Variants in GXYLT2 observed in about 807,000 individuals in gnomAD.
The protein encoded by GXYLT2 is glycosyltransferase 8 domain containing 4.
In GXYLT2, 53 loss-of-function variants were observed where a neutral mutation model predicts 45.8. The ratio of observed to expected loss-of-function variants is 1.16; its 90% CI spans 0.93 to 1.46. The LOEUF (loss-of-function observed/expected upper bound fraction) is 1.46, where lower values mean the gene tolerates loss of function less well. GXYLT2 is among the 40% of genes most tolerant of loss of function. GXYLT2 has a pLI of 0.00. For synonymous variants in GXYLT2, 219 were observed against 214.2 expected (o/e 1.02, Z -0.19); for missense variants, 551 against 544.4 (o/e 1.01, Z -0.12).
intron 4 of GXYLT2, among the ~76,000 whole-genome samples, chr3:72,956,662 G>A (rs912280847): frequency 1.4e-4 from 22 of 152,222 alleles, no homozygotes; most frequent in African/African-American, 5.3e-4. Context: ...TGGGAGGGAG[G>A]TGGGTCACTC....
chr3:72,905,402 C>T (rs1437892934), intron 1 of GXYLT2, among the ~76,000 whole-genome samples: 2 of 152,202 alleles, frequency 1.3e-5, no homozygotes, highest in African/African-American at 4.8e-5. Flanking sequence ...CATGAGCCAC[C>T]GCACTGGCCT....
At chr3:72,892,674 A>G (rs1169770393) in intron 1 of GXYLT2, among the ~76,000 whole-genome samples, 1 of 152,204 alleles carries the variant, frequency 6.6e-6, no homozygotes. Context: ...AAGTCTTCTC[A>G]GAGTGTTCAA....
intron 6 of GXYLT2, among the ~76,000 whole-genome samples, chr3:72,969,927 A>AAAAAAAC (rs565563001): frequency 7.5e-5 from 11 of 146,442 alleles, no homozygotes; most frequent in East Asian, 2.1e-4. Context: ...AAAAACAAAA[A>AAAAAAAC]CATTTAAGGC....
At chr3:72,973,845 T>C (rs1361648201) in intron 6 of GXYLT2, among the ~76,000 whole-genome samples, 1 of 152,166 alleles carries the variant, frequency 6.6e-6, no homozygotes, top group Non-Finnish European at 1.5e-5. Flanking sequence ...ATGATTTAAA[T>C]TTCATGATTA....
chr3:72,954,102 A>AT (rs1202431631), intron 3 of GXYLT2, among the ~76,000 whole-genome samples: 2 of 151,936 alleles, frequency 1.3e-5, no homozygotes, highest in Non-Finnish European at 2.9e-5. Context: ...CAAACTATAT[A>AT]TTTTTTTAAT....
At chr3:72,954,650 A>C (rs1710599394) in intron 3 of GXYLT2, among the ~76,000 whole-genome samples, 1 of 149,484 alleles carries the variant, frequency 6.7e-6, no homozygotes, top group Non-Finnish European at 1.5e-5. Context: ...ATAAATAAAT[A>C]AATAAATAAA....
At chr3:72,893,239 C>T (rs1709216777) in intron 1 of GXYLT2, among the ~76,000 whole-genome samples, 1 of 152,144 alleles carries the variant, frequency 6.6e-6, no homozygotes, top group South Asian at 2.1e-4. Context: ...GTTTTCTGGC[C>T]TCCTCTCCTA....
intron 3 of GXYLT2, among the ~76,000 whole-genome samples, chr3:72,927,890 G>C (rs960073776): frequency 1.3e-5 from 2 of 152,140 alleles, no homozygotes; most frequent in Admixed American, 1.3e-4. Context: ...ACAACTCTTG[G>C]TTATATGTGA....
In GXYLT2 at chr3:72,901,673, G is replaced by A. The variant is rs544943014; in HGVS notation, c.276-6694G>A. ...CCTCCTGGGTTCAAGCAATTCTCCT[G>A]CCTCAGCCACACGAGTAGCTGGGAT... is the stretch of plus-strand genomic sequence containing the variant. On this transcript the variant is annotated intron_variant, in intron 1 of 6. Coordinates refer to ENST00000389617, the MANE Select transcript of GXYLT2 (RefSeq NM_001080393.2). 5.3e-3 allele frequency among the ~76,000 whole-genome samples: 747 copies of A among 140,828 alleles called. 8 individuals are homozygous for A. Among genetic ancestry groups the A allele is most frequent in the African/African-American group, 0.018 (686 of 37,936 alleles). 92.4% of individuals were successfully genotyped at this position (140,828 alleles called of 152,430 possible).
At chr3:72,902,484 G>A (rs1709427034) in intron 1 of GXYLT2, among the ~76,000 whole-genome samples, 1 of 152,204 alleles carries the variant, frequency 6.6e-6, no homozygotes, top group Admixed American at 6.5e-5. Flanking sequence ...GAAGGTTACA[G>A]TGTCTTTTCA....
intron 1 of GXYLT2, among the ~76,000 whole-genome samples, chr3:72,898,865 A>G (rs1709345439): frequency 1.3e-5 from 2 of 152,004 alleles, no homozygotes; most frequent in South Asian, 4.2e-4. Flanking sequence ...CTGAGGAGCT[A>G]GGACTACAGG....
At chr3:72,929,705 C>A in intron 3 of GXYLT2, 66 of 582,420 alleles carry the variant, frequency 1.1e-4, no homozygotes, top group South Asian at 3.4e-4. Flanking sequence ...ACCACAACAT[C>A]CAGAAAAAAG....
chr3:72,920,297 G>A (rs1299419012), intron 2 of GXYLT2, among the ~76,000 whole-genome samples: 1 of 151,960 alleles, frequency 6.6e-6, no homozygotes, highest in Non-Finnish European at 1.5e-5. Context: ...ACCGCTCCTG[G>A]CTAATTTTTG....
intron 4 of GXYLT2, among the ~76,000 whole-genome samples, chr3:72,956,116 T>C (rs1225757126): frequency 2.6e-5 from 4 of 152,094 alleles, no homozygotes; most frequent in Non-Finnish European, 5.9e-5. Flanking sequence ...TGGGGCATGG[T>C]GTCACGTGGC....
In GXYLT2 at chr3:72,975,099, A is replaced by G. The variant is rs768139678; in HGVS notation, c.1272A>G (p.Thr424=). The G allele has an allele frequency of 6.2e-7, 1 of 1,613,894 alleles. No homozygotes were observed. Among genetic ancestry groups the G allele is most frequent in the Middle Eastern group, 1.6e-4 (1 of 6,062 alleles). ...PQVFLKQIEK[T]MKRAYEKHVI... Reference sequence around the variant, plus strand: ...TTTTTCTGAAGCAAATTGAGAAAACAATGAAAAGGGCTTATGAGAAACACG... The same window carrying G: ...TTTTTCTGAAGCAAATTGAGAAAACGATGAAAAGGGCTTATGAGAAACACG... Residue 424 remains threonine, a synonymous_variant, in exon 7 of 7, where the codon ACA becomes ACG. Transcript: ENST00000389617.
chr3:72,963,388 C>G (rs1410507591), intron 5 of GXYLT2, among the ~76,000 whole-genome samples: 1 of 152,018 alleles, frequency 6.6e-6, no homozygotes, highest in Non-Finnish European at 1.5e-5. Context: ...GCCTGGCCAA[C>G]ATGGCGAAAC....
At chr3:72,966,458 CTTTTTT>C (rs10662974) in intron 5 of GXYLT2, among the ~76,000 whole-genome samples, 15 of 101,640 alleles carry the variant, frequency 1.5e-4, no homozygotes, top group Admixed American at 7.8e-4. Flanking sequence ...TTGTGTGTAT[CTTTTTT>C]TTTTTTTTTT....
chr3:72,962,901 C>T (rs1192108767), intron 5 of GXYLT2, among the ~76,000 whole-genome samples: 1 of 151,186 alleles, frequency 6.6e-6, no homozygotes, highest in South Asian at 2.1e-4. Context: ...AAGGAGCATT[C>T]TGAAATAAGG....
intron 1 of GXYLT2, among the ~76,000 whole-genome samples, chr3:72,894,037 A>G (rs1412524576): frequency 6.6e-6 from 1 of 152,240 alleles, no homozygotes; most frequent in African/African-American, 2.4e-5. Context: ...CCAATCAGCC[A>G]GAAGGAAAGA....
Sources: gnomAD v4.1 joint callset for allele counts (sites outside exome capture counted in the v4.1 genomes callset) on GRCh38, gnomAD v4.1.1 for gene constraint, MANE v1.5 for transcripts, NCBI Gene and HGNC (gene_info 2026-07-23, HGNC 2026-07-21) for gene names.